Variants in HCFC2 observed in about 807,000 individuals in gnomAD.
HCFC2 encodes host cell factor C2.
HCFC2 carries 18 observed loss-of-function variants against 89.2 expected under a neutral mutation model. The observed-to-expected ratio is 0.20, with a 90% CI of 0.14 to 0.30. The LOEUF (loss-of-function observed/expected upper bound fraction) is 0.30. HCFC2 is among the 10% of genes least tolerant of loss of function. The pLI is 1.00. For synonymous variants in HCFC2, 308 were observed against 335.7 expected (o/e 0.92, Z 0.90); for missense variants, 578 against 956.1 (o/e 0.60, Z 5.21).
intron 3 of HCFC2, among the ~76,000 whole-genome samples, chr12:104,076,987 C>T (rs1883513215): frequency 6.6e-6 from 1 of 151,888 alleles, no homozygotes; most frequent in Admixed American, 6.6e-5. Flanking sequence ...CGTGTACGTG[C>T]GTGTTTATAC....
At chr12:104,081,539 G>T (rs971824714) in intron 5 of HCFC2, among the ~76,000 whole-genome samples, 2 of 150,956 alleles carry the variant, frequency 1.3e-5, no homozygotes, top group Middle Eastern at 3.5e-3. Context: ...ATTTACTATT[G>T]CAGTAATATT....
chr12:104,065,619 C>T (rs954022275), intron 1 of HCFC2, among the ~76,000 whole-genome samples: 1 of 151,996 alleles, frequency 6.6e-6, no homozygotes, highest in African/African-American at 2.4e-5. Context: ...TTTTTTCACC[C>T]TCTCCTCCTC....
At chr12:104,070,065 C>T (rs1022660539) in intron 3 of HCFC2, among the ~76,000 whole-genome samples, 3 of 152,136 alleles carry the variant, frequency 2.0e-5, no homozygotes, top group African/African-American at 7.2e-5. Flanking sequence ...CTCTGTCTCC[C>T]AGGCTGAAGT....
At position 104,095,676 on chromosome 12, in the gene HCFC2, AT is replaced by A. The variant is rs937078159; in HGVS notation, c.1666+117del. The stretch of plus-strand genomic sequence containing the variant: ...TCATCTTGGAATTTTGTTATTAGTC[AT>A]TTTAACTTAATTTCTGTGAGCAAGA... On this transcript the variant is annotated intron_variant, in intron 11 of 14. Coordinates refer to ENST00000229330, the MANE Select transcript of HCFC2 (RefSeq NM_013320.3). This position sits in a 1 kb window ranked among gnomAD's most constrained non-coding sequence, Gnocchi z 4.2. The A allele has an allele frequency of 1.3e-6, 1 of 754,278 alleles. No homozygotes were observed. The highest frequency in any genetic ancestry group is 2.1e-6 in the Non-Finnish European group (1 of 471,854). The allele number at this position is 754,278 out of a possible 1,614,324, so 46.7% of individuals were successfully genotyped here.
chr12:104,098,699 G>A (rs562097584), intron 13 of HCFC2, among the ~76,000 whole-genome samples: 7 of 152,314 alleles, frequency 4.6e-5, no homozygotes, highest in Admixed American at 4.6e-4. Context: ...TCGCATTGCT[G>A]TAAAGAAATA....
intron 3 of HCFC2, among the ~76,000 whole-genome samples, chr12:104,077,850 A>G (rs1249611127): frequency 6.6e-6 from 1 of 151,952 alleles, no homozygotes; most frequent in Non-Finnish European, 1.5e-5. Context: ...ATTCCAGGTT[A>G]TGATAAATAT....
rs2030071181 is a variant in HCFC2 at position 104,105,757 on chromosome 12, G to A, written c.*2484G>A. ...GAATGAATTGGAGCAAATAGCAAGA[G>A]AAGTGCATTTAGCTTCTTATGATTT... On this transcript the variant is annotated 3_prime_UTR_variant, in exon 15 of 15. Coordinates refer to ENST00000229330, the MANE Select transcript of HCFC2 (RefSeq NM_013320.3). 6.6e-6 allele frequency: 1 copy of A among 152,036 alleles called. No homozygotes were observed. Among genetic ancestry groups the A allele is most frequent in the African/African-American group, 2.4e-5 (1 of 41,412 alleles). The allele number at this position is 152,036 out of a possible 1,614,324, so 9.4% of individuals were successfully genotyped here.
intron 3 of HCFC2, among the ~76,000 whole-genome samples, chr12:104,074,322 T>TTTTTTC (rs1250232153): frequency 6.6e-6 from 1 of 152,104 alleles, no homozygotes; most frequent in African/African-American, 2.4e-5. Flanking sequence ...TTAAAACTTT[T>TTTTTTC]TTTTTCTTTT....
At chr12:104,099,286 C>G (rs542381213) in intron 13 of HCFC2, among the ~76,000 whole-genome samples, 1 of 152,142 alleles carries the variant, frequency 6.6e-6, no homozygotes, top group Non-Finnish European at 1.5e-5. Flanking sequence ...TCTGCCCCTA[C>G]GATCCAATCA....
intron 9 of HCFC2, among the ~76,000 whole-genome samples, chr12:104,091,507 G>T (rs1884022722): frequency 6.6e-6 from 1 of 152,202 alleles, no homozygotes. Context: ...AAAGGTTATA[G>T]CTTCATACTT....
intron 2 of HCFC2, 97 bp downstream of exon 2, chr12:104,066,412 A>T (rs1312513596): frequency 1.2e-6 from 1 of 837,602 alleles, no homozygotes; most frequent in Non-Finnish European, 1.8e-6. Flanking sequence ...TGTTTAACAC[A>T]TTTTAATATT....
At chr12:104,091,734 AC>A (rs1884029095) in intron 9 of HCFC2, among the ~76,000 whole-genome samples, 2 of 152,196 alleles carry the variant, frequency 1.3e-5, no homozygotes, top group Non-Finnish European at 1.5e-5. Context: ...TCTAGCTGTT[AC>A]TTACTGGCTA....
chr12:104,066,522 T>G (rs1883154369), intron 2 of HCFC2, among the ~76,000 whole-genome samples: 1 of 152,236 alleles, frequency 6.6e-6, no homozygotes, highest in East Asian at 1.9e-4. Context: ...TGTTTCCACT[T>G]CACTTAAAAC....
chr12:104,102,947 C>G lies in HCFC2; in HGVS notation c.2065-12C>G, dbSNP rs766498547. On this transcript the variant is annotated splice_polypyrimidine_tract_variant and intron_variant, in intron 14 of 14. Transcript: ENST00000229330. ...AAGAACCTTTAACCTGTTTTTTCCC[C>G]CCCCCTTCAAGAATGTTGAAGGTAT... The G allele has an allele frequency of 2.5e-5, 39 of 1,585,660 alleles. No homozygotes were observed. Among genetic ancestry groups the G allele is most frequent in the African/African-American group, 4.1e-5 (3 of 73,984 alleles).
chr12:104,070,802 T>A (rs891574905), intron 3 of HCFC2, among the ~76,000 whole-genome samples: 14 of 102,684 alleles, frequency 1.4e-4, no homozygotes, highest in African/African-American at 4.4e-4. Flanking sequence ...TACTTTTTAC[T>A]TTTTTTTTTT....
rs2030039919 is a variant in HCFC2, at chr12:104,104,631, T to G, written c.*1358T>G. ...ACCCCCCAGCAAAGATGGATTTAAT[T>G]GTGCAGAATTGATATATATGTGTGT... is the stretch of plus-strand genomic sequence containing the variant. On this transcript the variant is annotated 3_prime_UTR_variant, in exon 15 of 15. Transcript: ENST00000229330. 6.6e-6 allele frequency: 1 copy of G among 152,034 alleles called. No individual in the cohort carries two copies. Among genetic ancestry groups the G allele is most frequent in the East Asian group, 1.9e-4 (1 of 5,206 alleles). The allele number at this position is 152,034 out of a possible 1,614,324, so 9.4% of individuals were successfully genotyped here.
chr12:104,080,921 AATAG>A (rs1469896143), intron 5 of HCFC2, 91 bp downstream of exon 5: 1 of 770,734 alleles, frequency 1.3e-6, no homozygotes, highest in Non-Finnish European at 2.1e-6. Context: ...GTTTCTTGGA[AATAG>A]ATTATGAAAC....
chr12:104,064,839 C>A lies in HCFC2; in HGVS notation c.163+116C>A. 1 of 979,812 alleles carries A rather than the reference C, an allele frequency of 1.0e-6. No individual in the cohort carries two copies. The allele number at this position is 979,812 out of a possible 1,614,324, so 60.7% of individuals were successfully genotyped here. ...ACCGCCCGGTCACTGCTTCCTTGGGCGGGCGGCGGGGAGCGCGGCTCAGCC... is the reference window on the plus strand; with the variant it reads ...ACCGCCCGGTCACTGCTTCCTTGGGAGGGCGGCGGGGAGCGCGGCTCAGCC... On this transcript the variant is annotated intron_variant, in intron 1 of 14. Coordinates refer to ENST00000229330, the MANE Select transcript of HCFC2 (RefSeq NM_013320.3). This position sits in a 1 kb window ranked among gnomAD's most constrained non-coding sequence, Gnocchi z 7.3.
chr12:104,067,942 T>C lies in HCFC2; in HGVS notation c.313-5T>C, dbSNP rs373898152. 7.4e-4 allele frequency: 1,162 copies of C among 1,573,548 alleles called. No individual in the cohort carries two copies. The highest frequency in any genetic ancestry group is 9.5e-4 in the Non-Finnish European group (1,110 of 1,167,748). ...TGACTGTATTTGTGCCCTTTTTTTTTTTAGGCAAGTCGTTGGTTATGGAAA... is the reference window on the plus strand; with the variant it reads ...TGACTGTATTTGTGCCCTTTTTTTTCTTAGGCAAGTCGTTGGTTATGGAAA... On this transcript the variant is annotated splice_polypyrimidine_tract_variant and splice_region_variant and intron_variant, in intron 2 of 14. Transcript: ENST00000229330.
Sources: allele counts gnomAD v4.1 joint callset (sites outside exome capture counted in the v4.1 genomes callset), GRCh38; gene constraint gnomAD v4.1.1; non-coding constraint Gnocchi (gnomAD v3.1); transcripts MANE v1.5; gene names NCBI Gene and HGNC (gene_info 2026-07-23, HGNC 2026-07-21).